Variants in CHCHD6 observed in about 807,000 individuals in gnomAD.
CHCHD6 encodes coiled-coil-helix-coiled-coil-helix domain containing 6, also known as MICOS complex subunit MIC25.
In CHCHD6, 28 loss-of-function variants were observed where a neutral mutation model predicts 32.3. That is an observed-to-expected ratio of 0.87 (90% CI 0.64 to 1.19). The LOEUF (loss-of-function observed/expected upper bound fraction) is 1.19. Ranked by LOEUF, CHCHD6 falls within the 50% of genes most tolerant of loss-of-function variation. CHCHD6 has a pLI of 0.00. For missense variants in CHCHD6, 333 were observed against 307.0 expected, an observed-to-expected ratio of 1.08 and a Z score of -0.63; for synonymous variants, 122 against 117.5, an observed-to-expected ratio of 1.04 and a Z score of -0.25.
chr3:126,780,248 G>A (rs925840934), intron 4 of CHCHD6: 16 of 344,452 alleles, frequency 4.6e-5, no homozygotes, highest in Non-Finnish European at 7.4e-5. Flanking sequence ...GATAATGAAA[G>A]TTAGGGAAAC....
intron 4 of CHCHD6, among the ~76,000 whole-genome samples, chr3:126,750,514 C>G (rs1204212773): frequency 6.6e-6 from 1 of 152,254 alleles, no homozygotes; most frequent in Non-Finnish European, 1.5e-5. Context: ...GCGACTCCCT[C>G]CTGGGAATTG....
intron 6 of CHCHD6, among the ~76,000 whole-genome samples, chr3:126,926,366 G>A (rs945382602): frequency 5.9e-5 from 9 of 152,236 alleles, no homozygotes; most frequent in Admixed American, 3.3e-4. Flanking sequence ...AATACCAAAT[G>A]GAGGAAGAAA....
intron 4 of CHCHD6, among the ~76,000 whole-genome samples, chr3:126,846,483 AG>A (rs1941300151): frequency 6.6e-6 from 1 of 152,168 alleles, no homozygotes; most frequent in Admixed American, 6.5e-5. Flanking sequence ...AATATTTCAA[AG>A]GGATCCACAC....
intron 6 of CHCHD6, among the ~76,000 whole-genome samples, chr3:126,922,913 G>A (rs60955784): frequency 0.056 from 8,576 of 152,242 alleles, 305 homozygotes; most frequent in East Asian, 0.16. Flanking sequence ...AAAAGACGCC[G>A]GGTGGCAGTT....
intron 4 of CHCHD6, among the ~76,000 whole-genome samples, chr3:126,753,122 A>G (rs1256197322): frequency 6.6e-6 from 1 of 151,854 alleles, no homozygotes; most frequent in Non-Finnish European, 1.5e-5. Flanking sequence ...TTTTTGTAAA[A>G]CAAGCAGATT....
intron 5 of CHCHD6, among the ~76,000 whole-genome samples, chr3:126,905,705 A>G (rs1447654104): frequency 1.5e-4 from 23 of 152,100 alleles, no homozygotes; most frequent in Non-Finnish European, 4.4e-5. Flanking sequence ...CTCATAAGAT[A>G]ATAAAGACTG....
At chr3:126,760,385 A>G (rs1937117108) in intron 4 of CHCHD6, among the ~76,000 whole-genome samples, 1 of 152,204 alleles carries the variant, frequency 6.6e-6, no homozygotes, top group African/African-American at 2.4e-5. Flanking sequence ...TAAGTATACA[A>G]TTCATTGGCT....
At chr3:126,740,080 A>G (rs571839286) in intron 4 of CHCHD6, among the ~76,000 whole-genome samples, 5 of 152,310 alleles carry the variant, frequency 3.3e-5, no homozygotes, top group East Asian at 1.9e-4. Flanking sequence ...CTCAGCTTCA[A>G]ACTATTAATA....
At chr3:126,829,690 G>T (rs1940553814) in intron 4 of CHCHD6, among the ~76,000 whole-genome samples, 1 of 152,092 alleles carries the variant, frequency 6.6e-6, no homozygotes, top group South Asian at 2.1e-4. Context: ...TCTCTATCAT[G>T]TGACGACAGA....
At chr3:126,931,115 C>T (rs61130632) in intron 6 of CHCHD6, among the ~76,000 whole-genome samples, 8,696 of 152,224 alleles carry the variant, frequency 0.057, 785 homozygotes, top group African/African-American at 0.19. Flanking sequence ...AGCAGGGCGC[C>T]AAGGGAAACA....
intron 1 of CHCHD6, among the ~76,000 whole-genome samples, chr3:126,715,934 A>G (rs1934993174): frequency 6.6e-6 from 1 of 152,214 alleles, no homozygotes; most frequent in African/African-American, 2.4e-5. Flanking sequence ...ATTCAGTCAG[A>G]TGGTCTGAAA....
At chr3:126,900,026 C>A (rs2077899257) in intron 5 of CHCHD6, among the ~76,000 whole-genome samples, 1 of 152,308 alleles carries the variant, frequency 6.6e-6, no homozygotes, top group African/African-American at 2.4e-5. Context: ...CTCACCAGAT[C>A]TTATTTGTTA....
chr3:126,899,380 A>T (rs2077888387), intron 5 of CHCHD6, among the ~76,000 whole-genome samples: 1 of 152,206 alleles, frequency 6.6e-6, no homozygotes, highest in African/African-American at 2.4e-5. Flanking sequence ...AATGTGTTGA[A>T]TGATGGTCAA....
intron 4 of CHCHD6, among the ~76,000 whole-genome samples, chr3:126,846,202 C>G (rs1208189900): frequency 6.6e-6 from 1 of 152,072 alleles, no homozygotes; most frequent in Non-Finnish European, 1.5e-5. Context: ...GAAAGAGACC[C>G]CACTTATAAG....
intron 5 of CHCHD6, among the ~76,000 whole-genome samples, chr3:126,881,135 C>T (rs942722014): frequency 1.8e-4 from 27 of 152,380 alleles, no homozygotes; most frequent in African/African-American, 6.3e-4. Context: ...CTGCCAAGCC[C>T]GCATATGGGC....
chr3:126,945,307 G>A (rs1011900968), intron 6 of CHCHD6, among the ~76,000 whole-genome samples: 3 of 152,044 alleles, frequency 2.0e-5, no homozygotes, highest in African/African-American at 7.2e-5. Context: ...AGGCCTGTGG[G>A]GGGCGCCATC....
intron 6 of CHCHD6, among the ~76,000 whole-genome samples, chr3:126,917,858 G>A (rs2078193752): frequency 6.6e-6 from 1 of 152,136 alleles, no homozygotes; most frequent in Admixed American, 6.5e-5. Context: ...GAATCAGAAA[G>A]TGGGCCCTCA....
At chr3:126,867,612 A>G (rs1205658277) in intron 5 of CHCHD6, among the ~76,000 whole-genome samples, 1 of 152,170 alleles carries the variant, frequency 6.6e-6, no homozygotes, top group East Asian at 1.9e-4. Flanking sequence ...TTTGACCAGG[A>G]GAACCCCCTT....
At chr3:126,840,955 A>G (rs553172743) in intron 4 of CHCHD6, among the ~76,000 whole-genome samples, 1 of 152,268 alleles carries the variant, frequency 6.6e-6, no homozygotes, top group African/African-American at 2.4e-5. Context: ...CAGGTTAGTT[A>G]CATATGTATA....
Sources: allele counts gnomAD v4.1 joint callset (sites outside exome capture counted in the v4.1 genomes callset), GRCh38; gene constraint gnomAD v4.1.1; transcripts MANE v1.5; gene names NCBI Gene and HGNC (gene_info 2026-07-23, HGNC 2026-07-21).